Variants in DCP1A observed in about 807,000 individuals in gnomAD.
DCP1A encodes the protein decapping mRNA 1A.
Under a neutral mutation model 58.0 loss-of-function variants are expected in DCP1A, and 20 were observed. That is an observed-to-expected ratio of 0.34 (90% confidence interval 0.24 to 0.50). DCP1A has a LOEUF of 0.50. Among genes scored for constraint, DCP1A ranks in the 20% least tolerant of loss-of-function variants. The pLI is 0.98. For synonymous variants in DCP1A, 285 were observed against 275.1 expected, an observed-to-expected ratio of 1.04 and a Z score of -0.36; for missense variants, 613 against 712.2, an observed-to-expected ratio of 0.86 and a Z score of 1.59.
intron 3 of DCP1A, among the ~76,000 whole-genome samples, chr3:53,323,397 G>A (rs1708025344): frequency 6.6e-6 from 1 of 152,112 alleles, no homozygotes; most frequent in South Asian, 2.1e-4. Context: ...TCAGATCAGG[G>A]CTTTAAAAAG....
At chr3:53,317,229 G>T (rs192559201) in intron 4 of DCP1A, among the ~76,000 whole-genome samples, 3 of 152,178 alleles carry the variant, frequency 2.0e-5, no homozygotes, top group Non-Finnish European at 2.9e-5. Flanking sequence ...GCAATGGCGC[G>T]ATCTTGGCTC....
chr3:53,327,512 G>A (rs1215994559), intron 3 of DCP1A, among the ~76,000 whole-genome samples: 4 of 152,230 alleles, frequency 2.6e-5, no homozygotes, highest in Non-Finnish European at 5.9e-5. Flanking sequence ...AAAGCTGGCC[G>A]GGTGCGGTGG....
chr3:53,287,608 G>C lies in DCP1A; in HGVS notation c.1721C>G (p.Thr574Ser), dbSNP rs781993329. 2.7e-5 allele frequency: 44 copies of C among 1,611,614 alleles called. No homozygotes were observed. The highest frequency in any genetic ancestry group is 4.0e-5 in the African/African-American group (3 of 74,732). Residue 574 changes from threonine (T) to serine (S), a missense_variant, in exon 10 of 10, where the codon ACC (threonine) becomes AGC (serine). Thr to Ser is a moderately conservative substitution (Grantham distance 58). Coordinates refer to ENST00000610213, the MANE Select transcript of DCP1A (RefSeq NM_018403.7). ...TAGGTTGTGGTTGTCTTTGTTCTTGGTCAGAACCTGCAAGTAGACTTCATG... is the reference window on the plus strand; with the variant it reads ...TAGGTTGTGGTTGTCTTTGTTCTTGCTCAGAACCTGCAAGTAGACTTCATG... ...TLHEVYLQVL[T>S]KNKDNHNL
chr3:53,323,969 G>A (rs1440259741), intron 3 of DCP1A, among the ~76,000 whole-genome samples: 3 of 151,874 alleles, frequency 2.0e-5, no homozygotes, highest in African/African-American at 7.3e-5. Flanking sequence ...ATTTTCACAG[G>A]GACTTCTAAA....
intron 6 of DCP1A, among the ~76,000 whole-genome samples, chr3:53,294,813 G>T (rs888263510): frequency 1.3e-5 from 2 of 152,206 alleles, no homozygotes; most frequent in Admixed American, 1.3e-4. Flanking sequence ...CACAGGAAGT[G>T]TGTGTTTAAT....
At chr3:53,315,242 TA>T (rs782437907) in intron 4 of DCP1A, among the ~76,000 whole-genome samples, 11 of 152,022 alleles carry the variant, frequency 7.2e-5, no homozygotes, top group Non-Finnish European at 1.5e-4. Flanking sequence ...TTTTTATTGT[TA>T]AAAAGAGTTT....
intron 3 of DCP1A, among the ~76,000 whole-genome samples, chr3:53,327,736 A>G (rs1708150820): frequency 6.6e-6 from 1 of 151,694 alleles, no homozygotes; most frequent in Non-Finnish European, 1.5e-5. Flanking sequence ...GGTTGCGGTG[A>G]GCTGAGATTG....
In DCP1A at chr3:53,292,403, C is replaced by T; in HGVS notation, c.1049G>A (p.Arg350Lys). 6.2e-7 allele frequency: 1 copy of T among 1,613,750 alleles called. No individual in the cohort carries two copies. The highest frequency in any genetic ancestry group is 8.5e-7 in the Non-Finnish European group (1 of 1,179,774). The change falls in exon 7 of 10, where the codon AGA (arginine) becomes AAA (lysine). Residue 350 changes from arginine (R) to lysine (K), a missense_variant. By Grantham distance (26) the Arg-to-Lys change is conservative (BLOSUM62 2). Transcript: ENST00000610213. The part of the protein sequence containing the change: ...TMMQAVKTTP[R>K]QRSPLLNQPV... ...CTGGTTCAGGAGTGGAGACCTCTGT[C>T]TAGGCGTGGTCTTCACTGCCTGCAT... is the stretch of plus-strand genomic sequence containing the variant.
intron 3 of DCP1A, among the ~76,000 whole-genome samples, chr3:53,338,320 G>A (rs540907885): frequency 2.6e-5 from 4 of 152,242 alleles, no homozygotes; most frequent in African/African-American, 7.2e-5. Context: ...GGCTGGACAT[G>A]GTGGCCCATG....
intron 7 of DCP1A, among the ~76,000 whole-genome samples, chr3:53,291,256 G>C (rs1241966314): frequency 8.8e-6 from 1 of 113,424 alleles, no homozygotes; most frequent in Non-Finnish European, 2.1e-5. Context: ...TTTTGATACA[G>C]GCATGCGATG....
chr3:53,323,134 T>A (rs1708018726), intron 3 of DCP1A, among the ~76,000 whole-genome samples: 4 of 152,318 alleles, frequency 2.6e-5, no homozygotes, highest in Admixed American at 2.0e-4. Flanking sequence ...GAGTTTCCCA[T>A]GTTTGGAATC....
chr3:53,340,463 G>A (rs2089186412), intron 3 of DCP1A, among the ~76,000 whole-genome samples: 1 of 152,008 alleles, frequency 6.6e-6, no homozygotes, highest in Non-Finnish European at 1.5e-5. Flanking sequence ...AAGAACTTGG[G>A]GGTTTCTAGC....
intron 6 of DCP1A, among the ~76,000 whole-genome samples, chr3:53,300,135 A>C (rs767237645): frequency 8.6e-5 from 13 of 151,666 alleles, no homozygotes; most frequent in Non-Finnish European, 1.5e-4. Flanking sequence ...CAAAGTGCAA[A>C]GTGCTGGGAT....
At chr3:53,300,534 T>A (rs1559685660) in intron 6 of DCP1A, among the ~76,000 whole-genome samples, 1 of 152,172 alleles carries the variant, frequency 6.6e-6, no homozygotes, top group Non-Finnish European at 1.5e-5. Flanking sequence ...AGATGGGGTT[T>A]CACCATGTTG....
chr3:53,303,335 C>T (rs528752527), intron 6 of DCP1A, among the ~76,000 whole-genome samples: 114 of 152,150 alleles, frequency 7.5e-4, no homozygotes, highest in African/African-American at 2.4e-3. Flanking sequence ...GGTGCAATCT[C>T]GGCTCACTGC....
chr3:53,343,883 T>C (rs1378194962), intron 2 of DCP1A, among the ~76,000 whole-genome samples: 3 of 152,238 alleles, frequency 2.0e-5, no homozygotes, highest in African/African-American at 7.2e-5. Flanking sequence ...AGTGCTGGGA[T>C]TACAGGCGTG....
chr3:53,322,656 A>G (rs1484686874), intron 3 of DCP1A, among the ~76,000 whole-genome samples: 2 of 151,900 alleles, frequency 1.3e-5, no homozygotes, highest in African/African-American at 2.4e-5. Context: ...CAGGCAGGGA[A>G]AAACCTCTAA....
intron 1 of DCP1A, among the ~76,000 whole-genome samples, chr3:53,345,224 G>GTGAA (rs2089278027): frequency 6.6e-6 from 1 of 152,076 alleles, no homozygotes; most frequent in Non-Finnish European, 1.5e-5. Context: ...GAAAATCATA[G>GTGAA]AATAAACCTT....
intron 6 of DCP1A, among the ~76,000 whole-genome samples, chr3:53,301,940 A>T (rs943652711): frequency 6.6e-6 from 1 of 152,216 alleles, no homozygotes. Flanking sequence ...TGCCAGGGCT[A>T]AACGATGGCG....
Sources: gnomAD v4.1 joint callset for allele counts (sites outside exome capture counted in the v4.1 genomes callset) on GRCh38, gnomAD v4.1.1 for gene constraint, MANE v1.5 for transcripts, NCBI Gene and HGNC (gene_info 2026-07-23, HGNC 2026-07-21) for gene names.